Variants in DDX54 observed in about 807,000 individuals in gnomAD.
The protein encoded by DDX54 is ATP-dependent RNA helicase DDX54.
Under a neutral mutation model 105.5 loss-of-function variants are expected in DDX54, and 67 were observed. That is an observed-to-expected ratio of 0.64 (90% CI 0.52 to 0.78). The LOEUF (loss-of-function observed/expected upper bound fraction) is 0.78. Ranked by LOEUF, DDX54 falls within the 30% of genes least tolerant of loss-of-function variation. The pLI is 0.00. For synonymous variants in DDX54, 514 were observed against 509.9 expected (o/e 1.01, Z -0.11); for missense variants, 1,206 against 1,230.5 (o/e 0.98, Z 0.30).
Position 113,164,099 on chromosome 12 carries a change from C to T in DDX54, c.1906G>A (p.Glu636Lys). 1 of 1,550,586 alleles carries T rather than the reference C, an allele frequency of 6.4e-7. No homozygotes were observed. ...CTCTCTCCCGCCTCCTCCTCCTCCT[C>T]CTTCTCAGGCTGCTTCTCCTGCAGT... ...PALQEKQPEK[E>K]EEEEAGESVE... is the part of the protein sequence containing the mutation. Residue 636 changes from glutamate to lysine, a missense_variant, in exon 15 of 20, where the codon GAG (glutamate) becomes AAG (lysine). Transcript: ENST00000306014.
chr12:113,180,584 C>T (rs996778400), intron 2 of DDX54, among the ~76,000 whole-genome samples: 1 of 152,244 alleles, frequency 6.6e-6, no homozygotes, highest in Non-Finnish European at 1.5e-5. Context: ...TAAAGAGTAA[C>T]AGAGTCAGGC....
At position 113,164,232 on chromosome 12, in the gene DDX54, G is replaced by A. The variant is rs767348415; in HGVS notation, c.1773C>T (p.Arg591=). Residue 591 remains arginine (R), a synonymous_variant, in exon 15 of 20, where the codon CGC becomes CGT. Transcript: ENST00000306014. ...CCTTGCGGTCCTTCTGCCGCTTGGCGCGCATCACCTGGCTGCACAGGTCTC... is the reference window on the plus strand; with the variant it reads ...CCTTGCGGTCCTTCTGCCGCTTGGCACGCATCACCTGGCTGCACAGGTCTC... ...SSRDLCSQVM[R]AKRQKDRKAI... is the part of the protein sequence containing the mutation. 6 of 1,594,050 alleles carry A rather than the reference G, an allele frequency of 3.8e-6. No homozygotes were observed. Among genetic ancestry groups the A allele is most frequent in the Non-Finnish European group, 4.3e-6 (5 of 1,171,508 alleles).
At chr12:113,179,452 C>A in intron 3 of DDX54, 121 bp from the exon 4 acceptor site, 1 of 1,126,502 alleles carries the variant, frequency 8.9e-7, no homozygotes, top group South Asian at 1.5e-5. Context: ...AGGCACCCGT[C>A]ACCCAGCCCT....
At chr12:113,165,273 T>A (rs2136316067) in intron 14 of DDX54, among the ~76,000 whole-genome samples, 1 of 152,140 alleles carries the variant, frequency 6.6e-6, no homozygotes, top group Middle Eastern at 3.4e-3. Flanking sequence ...AGTCAACAGT[T>A]GGGAAGGAGG....
At position 113,157,516 on chromosome 12, in the gene DDX54, C is replaced by G. The variant is rs141204840; in HGVS notation, c.*1361G>C. On this transcript the variant is annotated 3_prime_UTR_variant, in exon 20 of 20. Transcript: ENST00000306014. The stretch of plus-strand genomic sequence containing the variant: ...GAGGGGATCTCCAGTCCCCGCCCTA[C>G]CTTTCGGCCTCCCCCGCGTGTTGAG... 1.5e-3 allele frequency: 1,588 copies of G among 1,092,500 alleles called. 11 individuals carry two copies. In the African/African-American group the frequency reaches 0.02, roughly 14 times the overall value. 67.7% of individuals were successfully genotyped at this position (1,092,500 alleles called of 1,614,324 possible). A position where few individuals can be genotyped will look rare whatever the true frequency, so the allele number is the denominator to read the frequency against.
At chr12:113,161,117 T>C (rs1240564629) in intron 19 of DDX54, among the ~76,000 whole-genome samples, 153 bp downstream of exon 19, 1 of 151,034 alleles carries the variant, frequency 6.6e-6, no homozygotes, top group Non-Finnish European at 1.5e-5. Context: ...GTGGGGGGGA[T>C]CATGGAGGGA....
At chr12:113,171,855 C>T (rs751235393) in intron 11 of DDX54, among the ~76,000 whole-genome samples, 2 of 152,146 alleles carry the variant, frequency 1.3e-5, no homozygotes, top group Admixed American at 6.5e-5. Context: ...CGAAGGGCTG[C>T]GTCTCAATAA....
intron 18 of DDX54, 38 bp from the exon 19 acceptor site, chr12:113,161,420 G>A (rs746609290): frequency 8.3e-5 from 128 of 1,544,050 alleles, no homozygotes; most frequent in Admixed American, 5.6e-4. Context: ...TGAAGCCCCT[G>A]GGATGGGAGA....
Position 113,162,996 on chromosome 12 carries a change from CGCCAGCT to C in DDX54, c.2124_2130del (p.Ala709LeufsTer5). ...TCATCCCCCATCAAGTCCAGGACAG[CGCCAGCT>C]GCCTGCTGCTCAAAGGCTCCCCCTT... On this transcript the variant is annotated frameshift_variant, in exon 17 of 20. Coordinates refer to ENST00000306014, the MANE Select transcript of DDX54 (RefSeq NM_024072.4). LOFTEE classifies it high-confidence loss of function. 6.2e-7 allele frequency: 1 copy of C among 1,609,246 alleles called. No homozygotes were observed. Among genetic ancestry groups the C allele is most frequent in the Non-Finnish European group, 8.5e-7 (1 of 1,179,820 alleles).
chr12:113,183,154 C>T (rs1433139259), intron 1 of DDX54, among the ~76,000 whole-genome samples: 6 of 152,368 alleles, frequency 3.9e-5, no homozygotes, highest in South Asian at 2.1e-4. Context: ...GCCACGGCAC[C>T]GGGCCAACAA....
chr12:113,176,499 G>A (rs530947347), intron 7 of DDX54, among the ~76,000 whole-genome samples: 11 of 152,248 alleles, frequency 7.2e-5, no homozygotes, highest in South Asian at 2.1e-4. Context: ...CCCGGAAGGC[G>A]GAGGTTGAAA....
At chr12:113,162,736 T>C in intron 17 of DDX54, 196 bp downstream of exon 17, 1 of 555,224 alleles carries the variant, frequency 1.8e-6, no homozygotes, top group Admixed American at 3.7e-5. Flanking sequence ...GGCAGCTCAC[T>C]CTCTCACTCA....
intron 7 of DDX54, among the ~76,000 whole-genome samples, chr12:113,176,566 C>CATAAATAA (rs578181955): frequency 1.9e-4 from 29 of 152,216 alleles, no homozygotes; most frequent in Non-Finnish European, 4.1e-4. Flanking sequence ...GACTCTATCT[C>CATAAATAA]ATAAATAAAT....
chr12:113,161,757 G>A, intron 18 of DDX54, 136 bp downstream of exon 18: 1 of 676,006 alleles, frequency 1.5e-6, no homozygotes. Context: ...ATCTATTGGA[G>A]ATGCGGCTGC....
At chr12:113,180,847 G>A (rs1952457477) in intron 2 of DDX54, 82 bp downstream of exon 2, 1 of 1,592,868 alleles carries the variant, frequency 6.3e-7, no homozygotes, top group African/African-American at 1.4e-5. Flanking sequence ...GGCCCAGAGT[G>A]GACATCAGTG....
At position 113,157,455 on chromosome 12, in the gene DDX54, A is replaced by C; in HGVS notation, c.*1422T>G. On this transcript the variant is annotated 3_prime_UTR_variant, in exon 20 of 20. Transcript: ENST00000306014. ...AGAACGGTTTAGGATCTCAGTCACCACCTCTGGGAACCACCATCATCACTG... is the reference window on the plus strand; with the variant it reads ...AGAACGGTTTAGGATCTCAGTCACCCCCTCTGGGAACCACCATCATCACTG... 1 of 668,534 alleles carries C rather than the reference A, an allele frequency of 1.5e-6. No homozygotes were observed. Among genetic ancestry groups the C allele is most frequent in the Non-Finnish European group, 2.6e-6 (1 of 386,686 alleles). The allele number at this position is 668,534 out of a possible 1,614,324, so 41.4% of individuals were successfully genotyped here. A position where few individuals can be genotyped will look rare whatever the true frequency, so the allele number is the denominator to read the frequency against.
Position 113,161,274 on chromosome 12 carries a change from G to C in DDX54, c.2409C>G (p.Gly803=). The part of the protein sequence containing the change: ...PERRGGKRDR[G]QGASRPHAPG... ...ACTCCCCACCCTGGCTCTCACCTTGGCCACGGTCTCGCTTCCCACCTCTTC... is the reference window on the plus strand; with the variant it reads ...ACTCCCCACCCTGGCTCTCACCTTGCCCACGGTCTCGCTTCCCACCTCTTC... The change falls in exon 19 of 20, where the codon GGC becomes GGG. Residue 803 remains glycine (G), a synonymous_variant. Transcript: ENST00000306014. The C allele has an allele frequency of 2.5e-6, 4 of 1,610,998 alleles. No homozygotes were observed. Among genetic ancestry groups the C allele is most frequent in the Non-Finnish European group, 3.4e-6 (4 of 1,178,252 alleles).
Position 113,157,770 on chromosome 12 carries a change from C to T in DDX54, c.*1107G>A. 1 of 1,051,114 alleles carries T rather than the reference C, an allele frequency of 9.5e-7. No individual in the cohort carries two copies. Among genetic ancestry groups the T allele is most frequent in the Non-Finnish European group, 1.4e-6 (1 of 703,032 alleles). The allele number at this position is 1,051,114 out of a possible 1,614,324, so 65.1% of individuals were successfully genotyped here. On this transcript the variant is annotated 3_prime_UTR_variant, in exon 20 of 20. Coordinates refer to ENST00000306014, the MANE Select transcript of DDX54 (RefSeq NM_024072.4). ...TTCCAATGGGGTGTGGACTGAGTGG[C>T]TCTTCCTGAATCCGTTTCCTCATTG...
At position 113,157,592 on chromosome 12, in the gene DDX54, G is replaced by GC. The variant is rs769885042; in HGVS notation, c.*1284dup. ...GGGCTGGGATGTGACTTCGTGCTGG[G>GC]CCCCCCCAGGTGAAGCTGTTCATGC... On this transcript the variant is annotated 3_prime_UTR_variant, in exon 20 of 20. Transcript: ENST00000306014. The GC allele has an allele frequency of 1.1e-5, 17 of 1,550,930 alleles. No homozygotes were observed. Among genetic ancestry groups the GC allele is most frequent in the African/African-American group, 2.7e-5 (2 of 73,156 alleles).
Sources: gnomAD v4.1 joint callset for allele counts (sites outside exome capture counted in the v4.1 genomes callset) on GRCh38, gnomAD v4.1.1 for gene constraint, MANE v1.5 for transcripts, NCBI Gene and HGNC (gene_info 2026-07-23, HGNC 2026-07-21) for gene names.